RIOK3: variants seen among roughly 807,000 people sequenced by gnomAD.
RIOK3 encodes serine/threonine-protein kinase RIO3.
RIOK3 carries 40 observed loss-of-function variants against 63.5 expected under a neutral mutation model. The observed-to-expected ratio is 0.63, with a 90% CI of 0.49 to 0.82. The LOEUF (loss-of-function observed/expected upper bound fraction) is 0.82, where lower values mean the gene tolerates loss of function less well. Among genes scored for constraint, RIOK3 ranks in the 40% least tolerant of loss-of-function variants. The pLI, the probability that RIOK3 is intolerant of heterozygous loss-of-function variation, is 0.00. For synonymous variants in RIOK3, 193 were observed against 205.0 expected (o/e 0.94, Z 0.50); for missense variants, 557 against 637.0 (o/e 0.87, Z 1.35).
At chr18:23,480,590 C>CACACACAG (rs66644690) in intron 12 of RIOK3, among the ~76,000 whole-genome samples, 2 of 148,186 alleles carry the variant, frequency 1.3e-5, no homozygotes, top group Non-Finnish European at 3.0e-5. Flanking sequence ...CACACACACA[C>CACACACAG]ATAGTAATTT....
At chr18:23,479,785 C>T (rs1330584226) in intron 12 of RIOK3, among the ~76,000 whole-genome samples, 1 of 152,084 alleles carries the variant, frequency 6.6e-6, no homozygotes, top group East Asian at 1.9e-4. Context: ...CCATGTTGGC[C>T]AGGCCGGTCT....
At chr18:23,480,413 T>A (rs147513541) in intron 12 of RIOK3, among the ~76,000 whole-genome samples, 4 of 152,312 alleles carry the variant, frequency 2.6e-5, no homozygotes, top group African/African-American at 9.6e-5. Flanking sequence ...CTTTTTCCTG[T>A]TTCTGGAATG....
intron 1 of RIOK3, among the ~76,000 whole-genome samples, chr18:23,459,570 C>T (rs1330888692): frequency 1.3e-5 from 2 of 152,194 alleles, no homozygotes; most frequent in South Asian, 4.1e-4. Flanking sequence ...ATTGAGACAG[C>T]CTTATAGAGG....
At chr18:23,467,641 A>G in intron 7 of RIOK3, 115 bp downstream of exon 7, 1 of 1,027,212 alleles carries the variant, frequency 9.7e-7, no homozygotes, top group Non-Finnish European at 1.4e-6. Context: ...TAATTTTTAA[A>G]GTGTTATTGT....
Position 23,477,217 on chromosome 18 carries a change from C to T in RIOK3, c.1293C>T (p.Thr431=), listed in dbSNP as rs781600267. 1.9e-6 allele frequency: 3 copies of T among 1,614,028 alleles called. No individual in the cohort carries two copies. The East Asian group carries it at 6.7e-5, about 36-fold the overall frequency. ...LIDVSQSVEP[T]HPHGLEFLFR... is the part of the protein sequence containing the mutation. ...ATGTCAGTCAGTCAGTAGAACCTAC[C>T]CACCCTCACGGCCTGGAGTTCTTGT... Residue 431 remains threonine (T), a synonymous_variant, in exon 11 of 13, where the codon ACC becomes ACT. Coordinates refer to ENST00000339486, the MANE Select transcript of RIOK3 (RefSeq NM_003831.5).
chr18:23,465,398 C>T (rs1237902551), intron 5 of RIOK3, among the ~76,000 whole-genome samples: 1 of 152,058 alleles, frequency 6.6e-6, no homozygotes, highest in Non-Finnish European at 1.5e-5. Flanking sequence ...AAAAAGCATT[C>T]TAAATCCTTC....
intron 1 of RIOK3, among the ~76,000 whole-genome samples, chr18:23,457,037 A>G (rs967294333): frequency 6.6e-6 from 1 of 152,222 alleles, no homozygotes; most frequent in African/African-American, 2.4e-5. Context: ...TGATGTCATC[A>G]CATCTGATGT....
chr18:23,477,258 A>C lies in RIOK3; in HGVS notation c.1334A>C (p.Asn445Thr). ...GLEFLFRDCRNVSQFFQKGGV... is the reference protein window; with the variant it reads ...GLEFLFRDCRTVSQFFQKGGV... ...GAGTTCTTGTTCCGGGACTGCAGGA[A>C]TGTCTCGCAGGTAGACGTGTAAACC... Residue 445 changes from asparagine (N) to threonine (T), a missense_variant, in exon 11 of 13, where the codon AAT becomes ACT. Around this residue, in one of 3 missense-constraint regions of RIOK3, gnomAD observed 309 missense variants for 338.7 expected, o/e 0.91. Coordinates refer to ENST00000339486, the MANE Select transcript of RIOK3 (RefSeq NM_003831.5). 6.2e-7 allele frequency: 1 copy of C among 1,613,956 alleles called. No individual in the cohort carries two copies. The highest frequency in any genetic ancestry group is 8.5e-7 in the Non-Finnish European group (1 of 1,179,794).
At chr18:23,479,465 A>C (rs771528607) in intron 12 of RIOK3, 41 bp downstream of exon 12, 16 of 1,182,570 alleles carry the variant, frequency 1.4e-5, no homozygotes, top group Non-Finnish European at 2.0e-5. Context: ...CTGGTCATGC[A>C]GAACTGCATA....
intron 1 of RIOK3, among the ~76,000 whole-genome samples, chr18:23,461,347 TAA>T (rs1443878656): frequency 6.6e-6 from 1 of 152,182 alleles, no homozygotes; most frequent in African/African-American, 2.4e-5. Flanking sequence ...TGGGAAACAA[TAA>T]AAAAGATTTT....
At position 23,473,595 on chromosome 18, in the gene RIOK3, T is replaced by C; in HGVS notation, c.982T>C (p.Trp328Arg). 2 of 1,613,546 alleles carry C rather than the reference T, an allele frequency of 1.2e-6. No homozygotes were observed. The highest frequency in any genetic ancestry group is 1.1e-5 in the South Asian group (1 of 91,004). The stretch of plus-strand genomic sequence containing the variant: ...AAATCCACGTAAGATCATCCGCATG[T>C]GGGCAGAAAAAGAAATGCACAATCT... ...KLNPRKIIRM[W>R]AEKEMHNLAR... Residue 328 changes from tryptophan (W) to arginine (R), a missense_variant, in exon 8 of 13, where the codon TGG (tryptophan) becomes CGG (arginine). By Grantham distance (101) the Trp-to-Arg change is moderately radical. Coordinates refer to ENST00000339486, the MANE Select transcript of RIOK3 (RefSeq NM_003831.5).
At chr18:23,466,337 T>C (rs1309209246) in intron 6 of RIOK3, 61 bp downstream of exon 6, 5 of 1,326,892 alleles carry the variant, frequency 3.8e-6, no homozygotes, top group Non-Finnish European at 3.0e-6. Context: ...TAGAAAACTT[T>C]GGGTAAAGAA....
intron 2 of RIOK3, 77 bp downstream of exon 2, chr18:23,463,156 A>C (rs73390218): frequency 1.1e-6 from 1 of 936,256 alleles, no homozygotes; most frequent in African/African-American, 1.7e-5. Flanking sequence ...TGTCATGACA[A>C]GTGGTTTGGA....
In RIOK3 at chr18:23,479,438, A is replaced by T. The variant is rs769763306; in HGVS notation, c.1452+14A>T. On this transcript the variant is annotated intron_variant, in intron 12 of 12. Transcript: ENST00000339486. Reference sequence around the variant, plus strand: ...TTTTTAGCTGAGGTATGTGATAAACAGCTGTTTTTCACCTTGCTGGTCATG... The same window carrying T: ...TTTTTAGCTGAGGTATGTGATAAACTGCTGTTTTTCACCTTGCTGGTCATG... 6.4e-7 allele frequency: 1 copy of T among 1,551,894 alleles called. No homozygotes were observed. The highest frequency in any genetic ancestry group is 1.1e-5 in the South Asian group (1 of 89,630).
At chr18:23,476,963 A>G (rs372192174) in intron 9 of RIOK3, 43 bp from the exon 10 acceptor site, 2 of 1,495,292 alleles carry the variant, frequency 1.3e-6, no homozygotes, top group African/African-American at 1.4e-5. Context: ...CAATAATACC[A>G]CTTAATTATT....
Position 23,473,486 on chromosome 18 carries a change from A to G in RIOK3, c.873A>G (p.Val291=), listed in dbSNP as rs2057469472. The G allele has an allele frequency of 6.2e-7, 1 of 1,612,174 alleles. No homozygotes were observed. The change falls in exon 8 of 13, where the codon GTA becomes GTG. Residue 291 remains valine, a synonymous_variant. Transcript: ENST00000339486. ...TACCTACAGAATGTGCCATCAAGGT[A>G]TTTAAAACAACCCTTAATGAATTTA... ...KVIPTECAIK[V]FKTTLNEFKN...
In RIOK3 at chr18:23,473,435, G is replaced by A. The variant is rs1343728529; in HGVS notation, c.822G>A (p.Glu274=). The change falls in exon 8 of 13, where the codon GAG becomes GAA. Residue 274 remains glutamate, a synonymous_variant. Transcript: ENST00000339486. ...TTTTTTTTCTTCCACTTAGCATGGAGGATGAAAAGGAAGATAGTAAAGTTA... is the reference window on the plus strand; with the variant it reads ...TTTTTTTTCTTCCACTTAGCATGGAAGATGAAAAGGAAGATAGTAAAGTTA... ...VVFHAYGGSM[E]DEKEDSKVIP... is the part of the protein sequence containing the mutation. 1.9e-6 allele frequency: 3 copies of A among 1,603,584 alleles called. No individual in the cohort carries two copies. Among genetic ancestry groups the A allele is most frequent in the Non-Finnish European group, 2.6e-6 (3 of 1,174,268 alleles).
intron 7 of RIOK3, among the ~76,000 whole-genome samples, chr18:23,473,159 T>G (rs2145695236): frequency 6.6e-6 from 1 of 152,344 alleles, no homozygotes; most frequent in South Asian, 2.1e-4. Flanking sequence ...TCATTGTATT[T>G]CAAGCTTGAT....
chr18:23,467,040 G>A (rs1250908826), intron 6 of RIOK3, among the ~76,000 whole-genome samples: 1 of 151,800 alleles, frequency 6.6e-6, no homozygotes, highest in Non-Finnish European at 1.5e-5. Flanking sequence ...ATTAGGCCAG[G>A]CGTGGTGGCT....
Sources: allele counts gnomAD v4.1 joint callset (sites outside exome capture counted in the v4.1 genomes callset), GRCh38; gene constraint gnomAD v4.1.1; regional missense constraint gnomAD v4.1.1; transcripts MANE v1.5; gene names NCBI Gene and HGNC (gene_info 2026-07-23, HGNC 2026-07-21).